Variants in TBCK observed in about 807,000 individuals in gnomAD.
TBCK encodes TBC domain-containing protein kinase-like protein.
Under a neutral mutation model 113.4 loss-of-function variants are expected in TBCK, and 99 were observed. The observed-to-expected ratio is 0.87, with a 90% confidence interval of 0.74 to 1.03. The LOEUF is 1.03. Ranked by LOEUF, TBCK falls within the 50% of genes least tolerant of loss-of-function variation. The pLI is 0.00. For missense variants in TBCK, 1,045 were observed against 1,061.3 expected (o/e 0.98, Z 0.21); for synonymous variants, 369 against 370.8 (o/e 1.00, Z 0.05).
chr4:106,067,730 C>A (rs1284813669), intron 25 of TBCK, among the ~76,000 whole-genome samples: 1 of 152,122 alleles, frequency 6.6e-6, no homozygotes, highest in Non-Finnish European at 1.5e-5. Context: ...GTTTTCCCAG[C>A]ACCATTTGTT....
intron 22 of TBCK, among the ~76,000 whole-genome samples, chr4:106,174,408 A>AT (rs1751389565): frequency 6.6e-6 from 1 of 151,948 alleles, no homozygotes; most frequent in Non-Finnish European, 1.5e-5. Flanking sequence ...CTAGGGTTGA[A>AT]TTTTTTTCTT....
intron 4 of TBCK, among the ~76,000 whole-genome samples, chr4:106,261,525 A>G (rs1762505744): frequency 6.6e-6 from 1 of 152,154 alleles, no homozygotes; most frequent in South Asian, 2.1e-4. Flanking sequence ...GAATCAAATT[A>G]CAATTATTCC....
rs1213315060 is a variant in TBCK, at chr4:106,316,201, T to C, written c.-300A>G. On this transcript the variant is annotated 5_prime_UTR_variant, in exon 1 of 26. Coordinates refer to ENST00000394708, the MANE Select transcript of TBCK (RefSeq NM_001163435.3). ...TTCCCCAAACACAGATCCGAGCTTT[T>C]CACCCTCTACCCTCCCCTCAGCCTG... The C allele has an allele frequency of 4.8e-6, 1 of 207,894 alleles. No individual in the cohort carries two copies. Among genetic ancestry groups the C allele is most frequent in the Non-Finnish European group, 9.8e-6 (1 of 102,450 alleles). The allele number at this position is 207,894 out of a possible 1,614,324, so 12.9% of individuals were successfully genotyped here.
At chr4:106,070,139 T>C (rs1051355960) in intron 25 of TBCK, among the ~76,000 whole-genome samples, 3 of 152,174 alleles carry the variant, frequency 2.0e-5, no homozygotes, top group Non-Finnish European at 2.9e-5. Context: ...TATTTCTTTC[T>C]CCTGCCTGAT....
chr4:106,169,249 C>G (rs1750730163), intron 23 of TBCK, among the ~76,000 whole-genome samples: 1 of 136,766 alleles, frequency 7.3e-6, no homozygotes, highest in Non-Finnish European at 1.6e-5. Flanking sequence ...CTCAGAATAA[C>G]CAACACAGTA....
At chr4:106,219,351 C>T (rs1349023819) in intron 19 of TBCK, among the ~76,000 whole-genome samples, 1 of 148,670 alleles carries the variant, frequency 6.7e-6, no homozygotes, top group African/African-American at 2.5e-5. Flanking sequence ...GCACATGTAC[C>T]CTAAAACTTA....
chr4:106,235,992 T>C (rs940614465), intron 14 of TBCK, among the ~76,000 whole-genome samples: 1 of 152,050 alleles, frequency 6.6e-6, no homozygotes, highest in African/African-American at 2.4e-5. Flanking sequence ...TAATGCAGTA[T>C]GGAAAATCAC....
In TBCK at chr4:106,063,021, T is replaced by C. The variant is rs142260488; in HGVS notation, c.2572-16341A>G. Among the ~76,000 whole-genome samples the C allele has an allele frequency of 2.1e-3, 320 of 152,090 alleles. 1 individual carries two copies. The highest frequency in any genetic ancestry group is 7.3e-3 in the African/African-American group (305 of 41,540). ...GGACTCAACAGGAGTTTTTAGTTCA[T>C]GAGTCTTTCGAAGTAATCTTTTATC... On this transcript the variant is annotated intron_variant, in intron 25 of 25. Transcript: ENST00000394708.
intron 3 of TBCK, among the ~76,000 whole-genome samples, chr4:106,272,026 A>T (rs1177992916): frequency 6.6e-6 from 1 of 152,154 alleles, no homozygotes; most frequent in African/African-American, 2.4e-5. Context: ...ATGATGATGA[A>T]CCACACTTTG....
chr4:106,298,976 AG>A (rs1409299017), intron 2 of TBCK, among the ~76,000 whole-genome samples: 1 of 152,122 alleles, frequency 6.6e-6, no homozygotes, highest in East Asian at 1.9e-4. Context: ...CCTGAGGAAA[AG>A]GGGGGCCTAC....
intron 25 of TBCK, among the ~76,000 whole-genome samples, chr4:106,064,087 C>T (rs1736354543): frequency 6.6e-6 from 1 of 151,886 alleles, no homozygotes; most frequent in Non-Finnish European, 1.5e-5. Flanking sequence ...CATATTACCA[C>T]AACACAAATT....
chr4:106,124,283 A>C (rs1435242225), intron 23 of TBCK, among the ~76,000 whole-genome samples: 1 of 152,238 alleles, frequency 6.6e-6, no homozygotes, highest in Admixed American at 6.5e-5. Flanking sequence ...GAGAAATGCA[A>C]ATCAAAACCA....
intron 11 of TBCK, among the ~76,000 whole-genome samples, chr4:106,244,204 A>T (rs1051730399): frequency 6.6e-6 from 1 of 152,148 alleles, no homozygotes; most frequent in Non-Finnish European, 1.5e-5. Flanking sequence ...ACACAGTGAG[A>T]CCACAGAGTT....
At chr4:106,248,384 T>C in intron 8 of TBCK, 78 bp from the exon 9 acceptor site, 1 of 1,079,202 alleles carries the variant, frequency 9.3e-7, no homozygotes, top group Non-Finnish European at 1.3e-6. Context: ...TTTGCTAATC[T>C]AGAAGTTTTT....
chr4:106,042,920 G>C lies in TBCK; in HGVS notation c.*3650C>G, dbSNP rs925221012. On this transcript the variant is annotated 3_prime_UTR_variant, in exon 26 of 26. Transcript: ENST00000394708. ...ATCTCCTCTGTAGCTTCCCTAATTTGGCGGGAAGTTATGTCTTGTCATTTC... is the reference window on the plus strand; with the variant it reads ...ATCTCCTCTGTAGCTTCCCTAATTTCGCGGGAAGTTATGTCTTGTCATTTC... 3.3e-5 allele frequency: 5 copies of C among 152,084 alleles called. No homozygotes were observed. The East Asian group carries it at 9.7e-4, about 29-fold the overall frequency. The allele number at this position is 152,084 out of a possible 1,614,324, so 9.4% of individuals were successfully genotyped here.
chr4:106,100,318 T>G (rs1741404952), intron 24 of TBCK, among the ~76,000 whole-genome samples: 2 of 152,176 alleles, frequency 1.3e-5, no homozygotes, highest in South Asian at 4.1e-4. Flanking sequence ...TTGCCAAACC[T>G]GGAGTAACTA....
intron 5 of TBCK, among the ~76,000 whole-genome samples, chr4:106,254,434 T>C (rs1057024886): frequency 6.6e-6 from 1 of 152,232 alleles, no homozygotes; most frequent in African/African-American, 2.4e-5. Context: ...TAACTCCAGA[T>C]ACTAATGTCT....
At chr4:106,049,879 G>A (rs1734621932) in intron 25 of TBCK, among the ~76,000 whole-genome samples, 3 of 152,132 alleles carry the variant, frequency 2.0e-5, no homozygotes, top group South Asian at 2.1e-4. Flanking sequence ...GACATCAGTT[G>A]TTTTTAAAAG....
Position 106,194,734 on chromosome 4 carries a change from A to G in TBCK, c.1881T>C (p.Phe627=). Residue 627 remains phenylalanine (F), a synonymous_variant, in exon 21 of 26, where the codon TTT becomes TTC. Transcript: ENST00000394708. Reference sequence around the variant, plus strand: ...CATACTTACGAGTAAACATGGTAAGAAACCAAGGGATGGCATAGAGCTATG... The same window carrying G: ...CATACTTACGAGTAAACATGGTAAGGAACCAAGGGATGGCATAGAGCTATG... The part of the protein sequence containing the change: ...FIPDLYAIPW[F]LTMFTHVFPL... 1 of 1,590,054 alleles carries G rather than the reference A, an allele frequency of 6.3e-7. No individual in the cohort carries two copies. The highest frequency in any genetic ancestry group is 1.2e-5 in the South Asian group (1 of 86,768).
Sources: allele counts gnomAD v4.1 joint callset (sites outside exome capture counted in the v4.1 genomes callset), GRCh38; gene constraint gnomAD v4.1.1; transcripts MANE v1.5; gene names NCBI Gene and HGNC (gene_info 2026-07-23, HGNC 2026-07-21).